Variants in LRRTM4 observed in about 807,000 individuals in gnomAD.
LRRTM4 encodes the protein leucine-rich repeat transmembrane neuronal protein 4.
LRRTM4 carries 25 observed loss-of-function variants against 47.6 expected under a neutral mutation model. The observed-to-expected ratio is 0.53, with a 90% CI of 0.38 to 0.73. LRRTM4 has a LOEUF of 0.73. LRRTM4 is among the 30% of genes least tolerant of loss of function. The probability of loss-of-function intolerance (pLI) is 0.00; values close to 1 mark genes in which losing one functional copy is unlikely to be tolerated. For synonymous variants in LRRTM4, 311 were observed against 269.5 expected, an observed-to-expected ratio of 1.15 and a Z score of -1.51; for missense variants, 638 against 713.4, an observed-to-expected ratio of 0.89 and a Z score of 1.20.
At chr2:77,123,248 T>G (rs1205520918) in intron 3 of LRRTM4, among the ~76,000 whole-genome samples, 1 of 100,814 alleles carries the variant, frequency 9.9e-6, no homozygotes, top group Non-Finnish European at 2.0e-5. Context: ...AGAGAGAAAT[T>G]TAATTCATAA....
chr2:77,345,360 G>A (rs182233492), intron 3 of LRRTM4, among the ~76,000 whole-genome samples: 118 of 151,852 alleles, frequency 7.8e-4, no homozygotes, highest in Non-Finnish European at 1.1e-3. Context: ...GAAGGAAAAG[G>A]CAAGCCAAAG....
intron 3 of LRRTM4, among the ~76,000 whole-genome samples, chr2:77,012,528 G>A (rs184607409): frequency 1.0e-3 from 155 of 152,314 alleles, no homozygotes; most frequent in African/African-American, 3.5e-3. Flanking sequence ...AGAATCACCT[G>A]CAGAGCCTGG....
chr2:76,874,183 C>T (rs962366777), intron 3 of LRRTM4, among the ~76,000 whole-genome samples: 2 of 151,672 alleles, frequency 1.3e-5, no homozygotes, highest in African/African-American at 2.4e-5. Context: ...CACTCTGTGT[C>T]TGCCTAAATC....
At chr2:77,391,330 A>T (rs1227956887) in intron 3 of LRRTM4, among the ~76,000 whole-genome samples, 1 of 152,022 alleles carries the variant, frequency 6.6e-6, no homozygotes, top group Middle Eastern at 3.2e-3. Flanking sequence ...TCTCTGGGAC[A>T]GGCAGTAAAT....
intron 3 of LRRTM4, among the ~76,000 whole-genome samples, chr2:77,283,440 T>C (rs1225846699): frequency 1.3e-5 from 2 of 151,958 alleles, no homozygotes; most frequent in Admixed American, 6.6e-5. Flanking sequence ...AACTTAAGAC[T>C]ACCATTCGAT....
intron 3 of LRRTM4, among the ~76,000 whole-genome samples, chr2:77,175,966 CTT>C (rs759715146): frequency 2.8e-4 from 39 of 137,988 alleles, no homozygotes; most frequent in Admixed American, 4.4e-4. Context: ...CTACTCCCGT[CTT>C]TTTTTTTTTT....
intron 3 of LRRTM4, among the ~76,000 whole-genome samples, chr2:77,199,660 G>A (rs949023108): frequency 6.6e-6 from 1 of 152,086 alleles, no homozygotes; most frequent in African/African-American, 2.4e-5. Context: ...CATAGTGTCT[G>A]TTCAGATACA....
At chr2:77,306,240 G>A (rs561052397) in intron 3 of LRRTM4, among the ~76,000 whole-genome samples, 2 of 152,264 alleles carry the variant, frequency 1.3e-5, no homozygotes, top group South Asian at 4.1e-4. Flanking sequence ...TGTTGCCTTT[G>A]TGATATATAA....
intron 3 of LRRTM4, among the ~76,000 whole-genome samples, chr2:77,246,281 G>C (rs1162814947): frequency 6.6e-6 from 1 of 152,076 alleles, no homozygotes; most frequent in African/African-American, 2.4e-5. Flanking sequence ...TTGGGAATTA[G>C]ACAAAGTACT....
At chr2:77,392,064 C>T (rs1673526038) in intron 3 of LRRTM4, among the ~76,000 whole-genome samples, 1 of 152,004 alleles carries the variant, frequency 6.6e-6, no homozygotes, top group African/African-American at 2.4e-5. Flanking sequence ...TTACTAGGTC[C>T]CTCCAAAGAG....
intron 3 of LRRTM4, among the ~76,000 whole-genome samples, chr2:76,962,269 T>G (rs1274469026): frequency 2.0e-5 from 3 of 151,228 alleles, no homozygotes; most frequent in African/African-American, 7.3e-5. Context: ...ATGTACAAGA[T>G]TAGACACATA....
At chr2:77,514,410 T>C (rs895998811) in intron 3 of LRRTM4, among the ~76,000 whole-genome samples, 5 of 152,032 alleles carry the variant, frequency 3.3e-5, no homozygotes, top group Non-Finnish European at 7.4e-5. Flanking sequence ...CCTAACATAG[T>C]CCATAAATAA....
rs7560417 is a variant in LRRTM4 at position 76,893,426 on chromosome 2, T to A, written c.1552-144510A>T. Among the ~76,000 whole-genome samples, 583 of 151,798 alleles carry A rather than the reference T, an allele frequency of 3.8e-3. 1 individual carries two copies. The highest frequency in any genetic ancestry group is 0.013 in the African/African-American group (558 of 41,528). ...TTCTGATAACATTAATTTTAAAAGT[T>A]AAAAATAATAACTAAATAAATAATA... On this transcript the variant is annotated intron_variant, in intron 3 of 3. Transcript: ENST00000409884.
At chr2:77,327,801 T>C (rs550868974) in intron 3 of LRRTM4, among the ~76,000 whole-genome samples, 60 of 150,864 alleles carry the variant, frequency 4.0e-4, no homozygotes, top group African/African-American at 1.4e-3. Flanking sequence ...AATGTAAGTA[T>C]GACTTAGAAA....
At chr2:76,884,243 C>A (rs1673009179) in intron 3 of LRRTM4, among the ~76,000 whole-genome samples, 1 of 152,122 alleles carries the variant, frequency 6.6e-6, no homozygotes, top group Non-Finnish European at 1.5e-5. Flanking sequence ...AAAACTATAA[C>A]CTTATTTAGG....
intron 3 of LRRTM4, among the ~76,000 whole-genome samples, chr2:76,994,377 C>T (rs1036841157): frequency 6.6e-6 from 1 of 151,864 alleles, no homozygotes; most frequent in African/African-American, 2.4e-5. Flanking sequence ...TATCCTGCAA[C>T]ATATAACCAA....
intron 3 of LRRTM4, among the ~76,000 whole-genome samples, chr2:77,414,193 C>CT (rs538108411): frequency 3.2e-4 from 48 of 151,914 alleles, no homozygotes; most frequent in African/African-American, 5.1e-4. Context: ...TCTCTTTTCA[C>CT]TTTTTTTTAA....
chr2:77,134,773 T>C lies in LRRTM4; in HGVS notation c.1551+383545A>G, dbSNP rs889255423. Among the ~76,000 whole-genome samples the C allele has an allele frequency of 3.3e-5, 5 of 152,098 alleles. No homozygotes were observed. The East Asian group carries it at 9.7e-4, about 29-fold the overall frequency. ...TATTCCAAATGCTATAGGTCTTTCATGTGCAAAAAAAGGGGGGATATCTTT... is the reference window on the plus strand; with the variant it reads ...TATTCCAAATGCTATAGGTCTTTCACGTGCAAAAAAAGGGGGGATATCTTT... On this transcript the variant is annotated intron_variant, in intron 3 of 3. Transcript: ENST00000409884.
At chr2:76,919,293 C>T (rs770921273) in intron 3 of LRRTM4, among the ~76,000 whole-genome samples, 8 of 152,198 alleles carry the variant, frequency 5.3e-5, no homozygotes, top group Admixed American at 2.0e-4. Context: ...TGCCATAAAC[C>T]GCATTTTTAG....
Sources: allele counts gnomAD v4.1 joint callset (sites outside exome capture counted in the v4.1 genomes callset), GRCh38; gene constraint gnomAD v4.1.1; transcripts MANE v1.5; gene names NCBI Gene and HGNC (gene_info 2026-07-23, HGNC 2026-07-21).